The following RALGAPA2 variants were observed in gnomAD, a reference collection of about 807,000 sequenced individuals.
RALGAPA2 encodes the protein Ral GTPase activating protein catalytic subunit alpha 2.
In RALGAPA2, 139 loss-of-function variants were observed where a neutral mutation model predicts 230.4. The observed-to-expected ratio is 0.60, with a 90% CI of 0.53 to 0.69. The LOEUF (loss-of-function observed/expected upper bound fraction) is 0.69, where lower values mean the gene tolerates loss of function less well. Among genes scored for constraint, RALGAPA2 ranks in the 30% least tolerant of loss-of-function variants. RALGAPA2 has a pLI of 0.00. For missense variants in RALGAPA2, 2,163 were observed against 2,276.0 expected, an observed-to-expected ratio of 0.95 and a Z score of 1.01; for synonymous variants, 847 against 837.8, an observed-to-expected ratio of 1.01 and a Z score of -0.19.
chr20:20,546,919 G>C, intron 23 of RALGAPA2, 87 bp from the exon 24 acceptor site: 1 of 1,300,302 alleles, frequency 7.7e-7, no homozygotes, highest in Non-Finnish European at 1.0e-6. Context: ...TATGACCACT[G>C]TATAATAATC....
intron 39 of RALGAPA2, among the ~76,000 whole-genome samples, chr20:20,394,710 C>T (rs1370434554): frequency 6.6e-6 from 1 of 151,950 alleles, no homozygotes; most frequent in African/African-American, 2.4e-5. Flanking sequence ...GCTAGACCAT[C>T]ATCCACAAGA....
Position 20,619,432 on chromosome 20 carries a change from C to G in RALGAPA2, c.1402-18G>C, listed in dbSNP as rs761702947. ...GATGAGGCCTTCAGAAGATAATGAT[C>G]CATTAACAGAGTGGAAGATGCACGT... On this transcript the variant is annotated intron_variant, in intron 11 of 39. Transcript: ENST00000202677. The G allele has an allele frequency of 7.8e-6, 12 of 1,537,088 alleles. No individual in the cohort carries two copies. Among genetic ancestry groups the G allele is most frequent in the African/African-American group, 1.4e-5 (1 of 73,774 alleles).
intron 1 of RALGAPA2, among the ~76,000 whole-genome samples, chr20:20,691,893 T>C (rs1200260170): frequency 6.6e-6 from 1 of 152,154 alleles, no homozygotes; most frequent in Non-Finnish European, 1.5e-5. Flanking sequence ...ATATGGATCA[T>C]GGGGGTGGAT....
Position 20,680,739 on chromosome 20 carries a change from T to C in RALGAPA2, c.169A>G (p.Ile57Val). 1.3e-6 allele frequency: 2 copies of C among 1,585,932 alleles called. No homozygotes were observed. The highest frequency in any genetic ancestry group is 2.3e-5 in the East Asian group (1 of 44,108). Residue 57 changes from isoleucine to valine, a missense_variant, in exon 2 of 40, where the codon ATC (isoleucine) becomes GTC (valine). Physicochemically the swap from Ile to Val is conservative, Grantham distance 29. Transcript: ENST00000202677. ...AGTGCTATAAAATTTTCATAGAAGA[T>C]GAAATATATCTGAGAATAGTTGGTC... is the stretch of plus-strand genomic sequence containing the variant. ...FETNYSQIYF[I>V]FYENFIALEN...
rs540658876 is a variant in RALGAPA2, at chr20:20,605,964, G to GC, written c.1801-553dup. 2.6e-5 allele frequency among the ~76,000 whole-genome samples: 4 copies of GC among 152,088 alleles called. No homozygotes were observed. In the South Asian group the frequency reaches 8.3e-4, roughly 32 times the overall value. On this transcript the variant is annotated intron_variant, in intron 14 of 39. Transcript: ENST00000202677. The stretch of plus-strand genomic sequence containing the variant: ...AGGGGCCCCGCTCTGCTACCCTGTT[G>GC]CCCCCTTACACTCTGGACCCCTTCC...
At position 20,627,233 on chromosome 20, in the gene RALGAPA2, G is replaced by A. The variant is rs547495089; in HGVS notation, c.1233+2130C>T. ...AGTGAGCAAAACTCCTGTGTGACTT[G>A]TCCAGTGACTGTCATAGGAGGAGAG... On this transcript the variant is annotated intron_variant, in intron 10 of 39. Coordinates refer to ENST00000202677, the MANE Select transcript of RALGAPA2 (RefSeq NM_020343.4). Among the ~76,000 whole-genome samples, 6 of 152,280 alleles carry A rather than the reference G, an allele frequency of 3.9e-5. No homozygotes were observed. The South Asian group carries it at 6.2e-4, about 16-fold the overall frequency.
intron 37 of RALGAPA2, among the ~76,000 whole-genome samples, chr20:20,465,244 C>G (rs1207852182): frequency 6.7e-6 from 1 of 150,084 alleles, no homozygotes; most frequent in Non-Finnish European, 1.5e-5. Flanking sequence ...AAGGCCCCCA[C>G]TGGGAAAGCC....
At chr20:20,591,093 T>G in intron 17 of RALGAPA2, 84 bp downstream of exon 17, 1 of 1,420,740 alleles carries the variant, frequency 7.0e-7, no homozygotes, top group Non-Finnish European at 9.5e-7. Flanking sequence ...ATTCAGAATA[T>G]ATGTACAAAG....
chr20:20,417,095 G>T (rs933246725), intron 37 of RALGAPA2, among the ~76,000 whole-genome samples: 2 of 152,198 alleles, frequency 1.3e-5, no homozygotes, highest in Non-Finnish European at 2.9e-5. Flanking sequence ...AACCACCTGG[G>T]ACGCTTCAGC....
intron 38 of RALGAPA2, among the ~76,000 whole-genome samples, chr20:20,406,575 T>C (rs2059951492): frequency 6.6e-6 from 1 of 152,186 alleles, no homozygotes; most frequent in Non-Finnish European, 1.5e-5. Flanking sequence ...GTGGGATGGC[T>C]GAGTTATTGA....
intron 20 of RALGAPA2, among the ~76,000 whole-genome samples, chr20:20,573,454 G>C (rs1313473580): frequency 1.3e-5 from 2 of 152,104 alleles, no homozygotes; most frequent in African/African-American, 4.8e-5. Flanking sequence ...GGTTCATGGG[G>C]GTGAAATGTG....
At chr20:20,567,857 TAATAAAATAA>T (rs10525989) in intron 23 of RALGAPA2, among the ~76,000 whole-genome samples, 42,040 of 125,040 alleles carry the variant, frequency 0.34, 7,442 homozygotes, top group African/African-American at 0.38. Flanking sequence ...AAAAAAGCAA[TAATAAAATAA>T]AATAAAATAA....
At chr20:20,601,659 G>C (rs750301719) in intron 16 of RALGAPA2, 23 bp downstream of exon 16, 2 of 1,595,010 alleles carry the variant, frequency 1.3e-6, no homozygotes, top group Non-Finnish European at 1.7e-6. Context: ...AGATTTTTGA[G>C]AAGCATTTAA....
At position 20,640,795 on chromosome 20, in the gene RALGAPA2, A is replaced by C; in HGVS notation, c.456T>G (p.Phe152Leu). ...CTGGGAAACCAGGCACCAGGCAAGC[A>C]AAAATCAGAACCTGCTCTTCTGCAC... Reference protein sequence around the residue: ...TNCAEEQVLIFACLVPGFPAV... With the variant: ...TNCAEEQVLILACLVPGFPAV... Residue 152 changes from phenylalanine to leucine, a missense_variant, in exon 6 of 40, where the codon TTT becomes TTG. Coordinates refer to ENST00000202677, the MANE Select transcript of RALGAPA2 (RefSeq NM_020343.4). The C allele has an allele frequency of 1.1e-5, 17 of 1,613,940 alleles. No homozygotes were observed. The highest frequency in any genetic ancestry group is 1.4e-5 in the Non-Finnish European group (17 of 1,179,818).
chr20:20,512,244 C>CACACACACACAT lies in RALGAPA2; in HGVS notation c.4856+268_4856+269insATGTGTGTGTGT, dbSNP rs1231120678. ...CCCCCTACACACACACACACATACA[C>CACACACACACAT]ACACACACACACACACACACACACA... is the stretch of plus-strand genomic sequence containing the variant. On this transcript the variant is annotated intron_variant, in intron 32 of 39. Transcript: ENST00000202677. Among the ~76,000 whole-genome samples the CACACACACACAT allele has an allele frequency of 1.5e-3, 226 of 148,452 alleles. 2 individuals carry two copies. The highest frequency in any genetic ancestry group is 5.3e-3 in the African/African-American group (212 of 39,634).
At chr20:20,546,523 C>T (rs1478204123) in intron 24 of RALGAPA2, among the ~76,000 whole-genome samples, 181 bp downstream of exon 24, 1 of 152,118 alleles carries the variant, frequency 6.6e-6, no homozygotes, top group Non-Finnish European at 1.5e-5. Context: ...AACGCCTTTC[C>T]AAAACCAGTG....
At chr20:20,589,897 T>A (rs537341323) in intron 17 of RALGAPA2, among the ~76,000 whole-genome samples, 91 of 150,008 alleles carry the variant, frequency 6.1e-4, no homozygotes, top group Non-Finnish European at 1.1e-3. Flanking sequence ...AAAAAAAAAA[T>A]TTTTTTCTAC....
At chr20:20,649,053 G>A (rs532746910) in intron 4 of RALGAPA2, among the ~76,000 whole-genome samples, 10 of 152,278 alleles carry the variant, frequency 6.6e-5, no homozygotes, top group South Asian at 6.2e-4. Context: ...GAGCAGTAAC[G>A]GTAAAAGCAC....
chr20:20,555,657 G>C (rs2064062519), intron 23 of RALGAPA2, among the ~76,000 whole-genome samples: 1 of 152,110 alleles, frequency 6.6e-6, no homozygotes, highest in South Asian at 2.1e-4. Flanking sequence ...GATTCTTTTT[G>C]ATGCTATTGT....
Sources: allele counts gnomAD v4.1 joint callset (sites outside exome capture counted in the v4.1 genomes callset), GRCh38; gene constraint gnomAD v4.1.1; transcripts MANE v1.5; gene names NCBI Gene and HGNC (gene_info 2026-07-23, HGNC 2026-07-21).